Variants in SMAD5 observed in about 807,000 individuals in gnomAD.
SMAD5 encodes SMAD family member 5.
Under a neutral mutation model 43.1 loss-of-function variants are expected in SMAD5, and 9 were observed. The ratio of observed to expected loss-of-function variants is 0.21; its 90% CI spans 0.13 to 0.36. SMAD5 has a LOEUF of 0.36. SMAD5 is among the 10% of genes least tolerant of loss of function. The pLI is 1.00. For synonymous variants in SMAD5, 190 were observed against 192.4 expected (o/e 0.99, Z 0.10); for missense variants, 348 against 574.0 (o/e 0.61, Z 4.02).
chr5:136,181,800 TATTATA>T lies in SMAD5; in HGVS notation c.*4324_*4329del, dbSNP rs1357907723. ...TATCTTCTCTCTTAAAATACAACTGTATTATAATTGAAATGACAGCCCAAAATTGGA... is the reference window on the plus strand; with the variant it reads ...TATCTTCTCTCTTAAAATACAACTGTATTGAAATGACAGCCCAAAATTGGA... On this transcript the variant is annotated 3_prime_UTR_variant, in exon 8 of 8. Coordinates refer to ENST00000545279, the MANE Select transcript of SMAD5 (RefSeq NM_005903.7). The T allele has an allele frequency of 6.6e-6, 1 of 152,214 alleles. No individual in the cohort carries two copies. Among genetic ancestry groups the T allele is most frequent in the African/African-American group, 2.4e-5 (1 of 41,460 alleles). 9.4% of individuals were successfully genotyped at this position (152,214 alleles called of 1,614,324 possible). A position where few individuals can be genotyped will look rare whatever the true frequency, so the allele number is the denominator to read the frequency against.
chr5:136,158,652 C>T (rs1257535552), intron 3 of SMAD5, among the ~76,000 whole-genome samples: 1 of 152,118 alleles, frequency 6.6e-6, no homozygotes, highest in African/African-American at 2.4e-5. Flanking sequence ...GTAATCCCAG[C>T]ACTTTGGGAG....
At chr5:136,174,917 G>GC (rs778569405) in intron 7 of SMAD5, among the ~76,000 whole-genome samples, 3 of 152,152 alleles carry the variant, frequency 2.0e-5, no homozygotes, top group Admixed American at 6.6e-5. Flanking sequence ...TTTCTAGAAA[G>GC]CATTTGTATT....
intron 1 of SMAD5, among the ~76,000 whole-genome samples, chr5:136,135,973 A>G (rs979136431): frequency 6.6e-6 from 1 of 152,220 alleles, no homozygotes; most frequent in Non-Finnish European, 1.5e-5. Context: ...GGTCAAAGAC[A>G]TTGAGTAAGA....
intron 6 of SMAD5, 141 bp from the exon 7 acceptor site, chr5:136,174,235 G>A (rs747969516): frequency 1.5e-5 from 10 of 654,314 alleles, no homozygotes; most frequent in Admixed American, 5.7e-5. Context: ...GGCAGCAGAA[G>A]GCCATCTAGT....
At chr5:136,137,556 G>C (rs1752931681) in intron 1 of SMAD5, among the ~76,000 whole-genome samples, 1 of 152,082 alleles carries the variant, frequency 6.6e-6, no homozygotes, top group Non-Finnish European at 1.5e-5. Context: ...GTTTTGTTCA[G>C]GTTTGTTTTC....
intron 5 of SMAD5, among the ~76,000 whole-genome samples, chr5:136,167,032 A>G (rs1754041258): frequency 6.6e-6 from 1 of 152,234 alleles, no homozygotes. Flanking sequence ...AAAAAGTGAC[A>G]AAAAGAAAAT....
intron 1 of SMAD5, among the ~76,000 whole-genome samples, chr5:136,140,577 C>T (rs1753043798): frequency 6.6e-6 from 1 of 151,926 alleles, no homozygotes; most frequent in African/African-American, 2.4e-5. Flanking sequence ...AATGGTTTTC[C>T]CCTAGATATA....
chr5:136,165,486 T>C (rs1204604317), intron 5 of SMAD5, among the ~76,000 whole-genome samples: 1 of 152,066 alleles, frequency 6.6e-6, no homozygotes. Flanking sequence ...TAATGTTGTG[T>C]GACCATCACC....
chr5:136,144,936 T>C (rs1325745907), intron 1 of SMAD5, among the ~76,000 whole-genome samples: 1 of 149,772 alleles, frequency 6.7e-6, no homozygotes, highest in Non-Finnish European at 1.5e-5. Flanking sequence ...AAAGCAACAC[T>C]GAGGAATATA....
chr5:136,172,513 AG>A lies in SMAD5; in HGVS notation c.856del (p.Ala286LeufsTer10). 6.2e-7 allele frequency: 1 copy of A among 1,612,700 alleles called. No homozygotes were observed. On this transcript the variant is annotated frameshift_variant, in exon 6 of 8. Transcript: ENST00000545279. LOFTEE classifies it high-confidence loss of function. ...YYELNNRVGE[A>X]FHASSTSVLV... ...ATGAATTAAACAATCGTGTTGGAGA[AG>A]CTTTTCATGCATCTTCTACTAGTGT...
intron 3 of SMAD5, among the ~76,000 whole-genome samples, chr5:136,157,264 TAGAA>T (rs758037604): frequency 1.7e-4 from 26 of 152,092 alleles, no homozygotes; most frequent in Middle Eastern, 3.4e-3. Context: ...GGAGGATAGT[TAGAA>T]AGAGATAATG....
chr5:136,160,189 T>G (rs550873099), intron 3 of SMAD5, among the ~76,000 whole-genome samples: 1 of 152,340 alleles, frequency 6.6e-6, no homozygotes, highest in South Asian at 2.1e-4. Flanking sequence ...TGATTTTGAT[T>G]GGAAGGCTTT....
chr5:136,156,961 C>CG (rs890436419), intron 3 of SMAD5, among the ~76,000 whole-genome samples: 1 of 152,036 alleles, frequency 6.6e-6, no homozygotes, highest in African/African-American at 2.4e-5. Flanking sequence ...GCTGACCCCC[C>CG]ATGATTAAGC....
chr5:136,142,356 A>G (rs1418866305), intron 1 of SMAD5, among the ~76,000 whole-genome samples: 1 of 152,084 alleles, frequency 6.6e-6, no homozygotes, highest in Non-Finnish European at 1.5e-5. Flanking sequence ...AATGTGATAG[A>G]TTCATTTGTA....
chr5:136,172,710 C>T, intron 6 of SMAD5, 55 bp downstream of exon 6: 2 of 1,186,306 alleles, frequency 1.7e-6, no homozygotes, highest in Non-Finnish European at 2.5e-6. Context: ...TTGTACTTGC[C>T]ATGAACCATG....
chr5:136,148,536 A>G (rs1159071306), intron 2 of SMAD5, among the ~76,000 whole-genome samples: 3 of 151,856 alleles, frequency 2.0e-5, no homozygotes, highest in Non-Finnish European at 4.4e-5. Flanking sequence ...ACAAAAAGGC[A>G]AAACTATAAA....
intron 5 of SMAD5, among the ~76,000 whole-genome samples, chr5:136,171,882 G>T (rs1754233827): frequency 6.6e-6 from 1 of 152,208 alleles, no homozygotes; most frequent in African/African-American, 2.4e-5. Context: ...AAATTCATAT[G>T]TTGAAGTCCT....
chr5:136,136,766 G>A (rs1237265862), intron 1 of SMAD5, among the ~76,000 whole-genome samples: 1 of 152,002 alleles, frequency 6.6e-6, no homozygotes, highest in Non-Finnish European at 1.5e-5. Flanking sequence ...ACGCGATCTT[G>A]ACTCACTGCA....
At chr5:136,158,814 G>A (rs1753729472) in intron 3 of SMAD5, among the ~76,000 whole-genome samples, 1 of 152,112 alleles carries the variant, frequency 6.6e-6, no homozygotes, top group Non-Finnish European at 1.5e-5. Context: ...CAGGAGAATG[G>A]CGTGAACCCG....
Sources: allele counts gnomAD v4.1 joint callset (sites outside exome capture counted in the v4.1 genomes callset), GRCh38; gene constraint gnomAD v4.1.1; transcripts MANE v1.5; gene names NCBI Gene and HGNC (gene_info 2026-07-23, HGNC 2026-07-21).